Variants in GPC5 observed in about 807,000 individuals in gnomAD.
GPC5 encodes glypican 5.
In GPC5, 47 loss-of-function variants were observed where a neutral mutation model predicts 53.9. That is an observed-to-expected ratio of 0.87 (90% CI 0.69 to 1.11). GPC5 has a LOEUF of 1.11. GPC5 is among the 50% of genes most tolerant of loss of function. The pLI is 0.00. For synonymous variants in GPC5, 286 were observed against 263.3 expected, an observed-to-expected ratio of 1.09 and a Z score of -0.84; for missense variants, 748 against 713.1, an observed-to-expected ratio of 1.05 and a Z score of -0.56.
chr13:92,122,244 G>A (rs2041655664), intron 6 of GPC5, among the ~76,000 whole-genome samples: 1 of 151,544 alleles, frequency 6.6e-6, no homozygotes, highest in Non-Finnish European at 1.5e-5. Context: ...TGGGCTCTCA[G>A]TGACGTTTTT....
At chr13:92,259,359 C>T (rs2042749097) in intron 7 of GPC5, among the ~76,000 whole-genome samples, 1 of 152,150 alleles carries the variant, frequency 6.6e-6, no homozygotes. Flanking sequence ...AAGCAAGATG[C>T]ATAGGATATA....
At chr13:91,605,272 G>A (rs1216768674) in intron 2 of GPC5, among the ~76,000 whole-genome samples, 5 of 147,032 alleles carry the variant, frequency 3.4e-5, no homozygotes, top group African/African-American at 1.0e-4. Flanking sequence ...GTAGAGATGC[G>A]GCGTTATTTC....
At chr13:92,674,888 GA>G (rs1052528844) in intron 7 of GPC5, among the ~76,000 whole-genome samples, 5 of 151,128 alleles carry the variant, frequency 3.3e-5, no homozygotes, top group South Asian at 2.1e-4. Flanking sequence ...TCAAAATATA[GA>G]AAAAAAGAGA....
At chr13:92,138,834 C>T (rs1246683615) in intron 6 of GPC5, among the ~76,000 whole-genome samples, 1 of 152,104 alleles carries the variant, frequency 6.6e-6, no homozygotes, top group African/African-American at 2.4e-5. Context: ...TATAAACAGC[C>T]TATCCCTTGA....
chr13:92,280,410 T>G (rs2042906146), intron 7 of GPC5, among the ~76,000 whole-genome samples: 1 of 152,212 alleles, frequency 6.6e-6, no homozygotes, highest in Admixed American at 6.5e-5. Context: ...TTTAGTTTGC[T>G]TTGCTTTTTC....
chr13:92,541,829 A>C (rs1881939995), intron 7 of GPC5, among the ~76,000 whole-genome samples: 1 of 151,766 alleles, frequency 6.6e-6, no homozygotes, highest in South Asian at 2.1e-4. Context: ...TTTCATTTTA[A>C]TTTTTCCACA....
rs879841640 is a variant in GPC5, at chr13:91,846,304, GA to G, written c.1281-61624del. The stretch of plus-strand genomic sequence containing the variant: ...CCTAAACTGCATGCTTTATGTTGAA[GA>G]AAAAAAAACAGCAACTAATACACTA... On this transcript the variant is annotated intron_variant, in intron 5 of 7. Coordinates refer to ENST00000377067, the MANE Select transcript of GPC5 (RefSeq NM_004466.6). Among the ~76,000 whole-genome samples the G allele has an allele frequency of 2.8e-4, 42 of 149,334 alleles. No individual in the cohort carries two copies. In the South Asian group the frequency reaches 3.2e-3, roughly 11 times the overall value.
chr13:92,107,401 T>C (rs2041518606), intron 6 of GPC5, among the ~76,000 whole-genome samples: 1 of 152,072 alleles, frequency 6.6e-6, no homozygotes, highest in African/African-American at 2.4e-5. Context: ...ATGCCTAGGT[T>C]ATAATATTAA....
At chr13:92,050,974 T>G (rs2041022710) in intron 6 of GPC5, among the ~76,000 whole-genome samples, 2 of 152,192 alleles carry the variant, frequency 1.3e-5, no homozygotes. Context: ...TAAAAATACA[T>G]TTGATAATAA....
chr13:91,451,395 G>C (rs971470427), intron 2 of GPC5, among the ~76,000 whole-genome samples: 1 of 152,106 alleles, frequency 6.6e-6, no homozygotes, highest in Admixed American at 6.6e-5. Flanking sequence ...CAGCCAGTGA[G>C]GATGATCACT....
chr13:92,185,676 A>G (rs2042178985), intron 7 of GPC5, among the ~76,000 whole-genome samples: 1 of 152,200 alleles, frequency 6.6e-6, no homozygotes, highest in Non-Finnish European at 1.5e-5. Context: ...TAAATAAAAC[A>G]AAACATAAAA....
At chr13:92,777,172 T>C (rs1875842496) in intron 7 of GPC5, among the ~76,000 whole-genome samples, 1 of 145,492 alleles carries the variant, frequency 6.9e-6, no homozygotes, top group African/African-American at 2.6e-5. Context: ...TCGTCTCTAC[T>C]AAAAATACAA....
chr13:91,792,577 A>G (rs1288732838), intron 5 of GPC5, among the ~76,000 whole-genome samples: 1 of 152,198 alleles, frequency 6.6e-6, no homozygotes, highest in Non-Finnish European at 1.5e-5. Flanking sequence ...TTGATGGCTC[A>G]TTCAAAGTAT....
intron 2 of GPC5, among the ~76,000 whole-genome samples, chr13:91,499,336 C>T (rs1206933060): frequency 1.3e-5 from 2 of 151,848 alleles, no homozygotes; most frequent in East Asian, 3.9e-4. Context: ...AAATCTGAGT[C>T]CTGAGCAAAG....
chr13:92,376,067 G>A (rs1052595966), intron 7 of GPC5, among the ~76,000 whole-genome samples: 8 of 152,116 alleles, frequency 5.3e-5, no homozygotes, highest in Non-Finnish European at 8.8e-5. Flanking sequence ...TACTATGATG[G>A]GTAGTTTCAT....
At chr13:92,615,751 A>G (rs1414380429) in intron 7 of GPC5, among the ~76,000 whole-genome samples, 1 of 152,108 alleles carries the variant, frequency 6.6e-6, no homozygotes, top group Non-Finnish European at 1.5e-5. Context: ...AACTTTTTTG[A>G]CCAATAAAAC....
At position 92,119,667 on chromosome 13, in the gene GPC5, G is replaced by A. The variant is rs143259109; in HGVS notation, c.1402-25163G>A. 1.6e-3 allele frequency among the ~76,000 whole-genome samples: 226 copies of A among 139,348 alleles called. 1 individual carries two copies. Among genetic ancestry groups the A allele is most frequent in the African/African-American group, 5.8e-3 (218 of 37,376 alleles). The allele number at this position is 139,348 out of a possible 152,430, so 91.4% of individuals were successfully genotyped here. A position where few individuals can be genotyped will look rare whatever the true frequency, so the allele number is the denominator to read the frequency against. ...GATCTCCTGACCTCGTGATCCGCCC[G>A]CTTCGGCCTCCCAAAGTGCTGGGAG... On this transcript the variant is annotated intron_variant, in intron 6 of 7. Coordinates refer to ENST00000377067, the MANE Select transcript of GPC5 (RefSeq NM_004466.6).
At chr13:92,449,325 C>G (rs1179405725) in intron 7 of GPC5, among the ~76,000 whole-genome samples, 1 of 152,110 alleles carries the variant, frequency 6.6e-6, no homozygotes, top group East Asian at 1.9e-4. Context: ...TGCACTTTGA[C>G]TCTAATCCTT....
At chr13:92,489,147 C>T (rs1284476314) in intron 7 of GPC5, among the ~76,000 whole-genome samples, 4 of 152,124 alleles carry the variant, frequency 2.6e-5, no homozygotes, top group African/African-American at 9.7e-5. Flanking sequence ...TTCAAGGTGG[C>T]TAGTCTACTG....
Sources: gnomAD v4.1 joint callset for allele counts (sites outside exome capture counted in the v4.1 genomes callset) on GRCh38, gnomAD v4.1.1 for gene constraint, MANE v1.5 for transcripts, NCBI Gene and HGNC (gene_info 2026-07-23, HGNC 2026-07-21) for gene names.